The following M1AP variants were observed in gnomAD, a reference collection of about 807,000 sequenced individuals.
M1AP encodes meiosis 1 associated protein.
Under a neutral mutation model 51.2 loss-of-function variants are expected in M1AP, and 39 were observed. The ratio of observed to expected loss-of-function variants is 0.76; its 90% CI spans 0.59 to 1.00. M1AP has a LOEUF of 1.00. Ranked by LOEUF, M1AP falls within the 50% of genes least tolerant of loss-of-function variation. M1AP has a pLI of 0.00. For missense variants in M1AP, 545 were observed against 641.2 expected (o/e 0.85, Z 1.62); for synonymous variants, 251 against 249.2 (o/e 1.01, Z -0.07).
chr2:74,607,173 C>G lies in M1AP; in HGVS notation c.477G>C (p.Glu159Asp). The change falls in exon 4 of 11, where the codon GAG becomes GAC. Residue 159 changes from glutamate to aspartate, a missense_variant. Glu to Asp is a conservative substitution (Grantham distance 45). Coordinates refer to ENST00000421985, the MANE Select transcript of M1AP (RefSeq NM_001321739.2). ...QPGKEVVKQLEEGLKDTDLAR... is the reference protein window; with the variant it reads ...QPGKEVVKQLDEGLKDTDLAR... Reference sequence around the variant, plus strand: ...CTAGGTCTGTATCTTTCAACCCTTCCTCCAACTGTTTGACCACCTCTTTTC... The same window carrying G: ...CTAGGTCTGTATCTTTCAACCCTTCGTCCAACTGTTTGACCACCTCTTTTC... 6.2e-7 allele frequency: 1 copy of G among 1,614,138 alleles called. No homozygotes were observed. Among genetic ancestry groups the G allele is most frequent in the South Asian group, 1.1e-5 (1 of 91,078 alleles).
At chr2:74,619,209 G>C (rs189359876) in intron 2 of M1AP, 28 of 192,926 alleles carry the variant, frequency 1.5e-4, no homozygotes, top group African/African-American at 6.4e-4. Flanking sequence ...TGAGGTCCCT[G>C]TCTATGTTTC....
At chr2:74,641,341 G>A (rs1683286185) in intron 1 of M1AP, among the ~76,000 whole-genome samples, 1 of 152,198 alleles carries the variant, frequency 6.6e-6, no homozygotes, top group Admixed American at 6.5e-5. Context: ...ATTAGGAAGT[G>A]AGAACAATTG....
At chr2:74,647,759 T>C (rs896968125) in intron 1 of M1AP, among the ~76,000 whole-genome samples, 1 of 152,148 alleles carries the variant, frequency 6.6e-6, no homozygotes, top group Non-Finnish European at 1.5e-5. Flanking sequence ...CCAGGCGTGG[T>C]GGCGGGAGCC....
intron 1 of M1AP, chr2:74,647,327 T>C: frequency 8.1e-6 from 8 of 985,394 alleles, no homozygotes; most frequent in Non-Finnish European, 8.4e-6. Context: ...TTCTGTTCCG[T>C]GCTGAGCATT....
chr2:74,620,412 C>A (rs1681934948), intron 2 of M1AP, among the ~76,000 whole-genome samples: 1 of 152,188 alleles, frequency 6.6e-6, no homozygotes, highest in African/African-American at 2.4e-5. Context: ...AGGTGGAGAG[C>A]ATTAAATGAC....
chr2:74,644,345 C>T (rs1024144992), intron 1 of M1AP, among the ~76,000 whole-genome samples: 1 of 152,110 alleles, frequency 6.6e-6, no homozygotes, highest in Non-Finnish European at 1.5e-5. Context: ...TGAGACCAGC[C>T]TGACCAACAT....
chr2:74,567,756 A>G (rs533148303), intron 7 of M1AP, among the ~76,000 whole-genome samples: 3 of 152,356 alleles, frequency 2.0e-5, no homozygotes, highest in African/African-American at 7.2e-5. Flanking sequence ...AATGCTGCCA[A>G]AACACATAGC....
intron 2 of M1AP, chr2:74,620,811 CCAGCT>C (rs1485468283): frequency 5.2e-6 from 1 of 192,126 alleles, no homozygotes; most frequent in Non-Finnish European, 1.1e-5. Flanking sequence ...CTTGCCTATG[CCAGCT>C]CAGCCACGTA....
chr2:74,638,961 C>T (rs1327648708), intron 2 of M1AP, among the ~76,000 whole-genome samples: 1 of 152,188 alleles, frequency 6.6e-6, no homozygotes, highest in Non-Finnish European at 1.5e-5. Flanking sequence ...ATAATTTTAT[C>T]CTTTTCCCAT....
chr2:74,645,899 T>C (rs1683581646), intron 1 of M1AP, among the ~76,000 whole-genome samples: 1 of 152,218 alleles, frequency 6.6e-6, no homozygotes, highest in Non-Finnish European at 1.5e-5. Flanking sequence ...GGTTCAAGTA[T>C]ATAGATTTCA....
At chr2:74,606,052 A>T (rs1251956800) in intron 4 of M1AP, among the ~76,000 whole-genome samples, 1 of 152,216 alleles carries the variant, frequency 6.6e-6, no homozygotes, top group Non-Finnish European at 1.5e-5. Flanking sequence ...GCTTCTGCCC[A>T]GCCGGGGGAA....
At chr2:74,578,287 T>G (rs1434474822) in intron 5 of M1AP, among the ~76,000 whole-genome samples, 1 of 152,212 alleles carries the variant, frequency 6.6e-6, no homozygotes, top group African/African-American at 2.4e-5. Context: ...CTTTAAGTTT[T>G]GGGGTGCATG....
chr2:74,635,503 G>A (rs1682943025), intron 2 of M1AP, among the ~76,000 whole-genome samples: 1 of 151,596 alleles, frequency 6.6e-6, no homozygotes, highest in Admixed American at 6.6e-5. Context: ...TTATATCCTT[G>A]TTTTTGCTTG....
intron 4 of M1AP, among the ~76,000 whole-genome samples, chr2:74,598,170 T>C (rs1659526092): frequency 6.6e-6 from 1 of 152,112 alleles, no homozygotes; most frequent in African/African-American, 2.4e-5. Context: ...TCACTTGAGG[T>C]CAGGAGTTCA....
chr2:74,561,217 AAGGAGGAGGAGGAGAAGG>A (rs1677971507), intron 8 of M1AP, among the ~76,000 whole-genome samples: 3 of 24,734 alleles, frequency 1.2e-4, no homozygotes, highest in African/African-American at 2.5e-4. Flanking sequence ...GGAGGAGGAG[AAGGAGGAGGAGGAGAAGG>A]AGGAGGAGGA....
chr2:74,610,240 C>T (rs1681256467), intron 3 of M1AP, among the ~76,000 whole-genome samples: 1 of 151,874 alleles, frequency 6.6e-6, no homozygotes. Flanking sequence ...AACTCCTAGA[C>T]TCAAGTGATC....
intron 5 of M1AP, 121 bp from the exon 6 acceptor site, chr2:74,576,739 GGCAA>G: frequency 7.8e-7 from 1 of 1,284,498 alleles, no homozygotes; most frequent in Non-Finnish European, 1.1e-6. Context: ...ATCTCTACCA[GGCAA>G]GCAAGGGATA....
At chr2:74,569,853 G>C (rs549673543) in intron 7 of M1AP, among the ~76,000 whole-genome samples, 12 of 152,086 alleles carry the variant, frequency 7.9e-5, no homozygotes, top group African/African-American at 2.7e-4. Context: ...AGAGAGAACA[G>C]GGACTGAGGA....
At chr2:74,585,867 T>C in intron 4 of M1AP, among the ~76,000 whole-genome samples, 1 of 152,232 alleles carries the variant, frequency 6.6e-6, no homozygotes, top group Non-Finnish European at 1.5e-5. Flanking sequence ...GCAAACTCCA[T>C]TTCTTCCCCT....
Sources: allele counts gnomAD v4.1 joint callset (sites outside exome capture counted in the v4.1 genomes callset), GRCh38; gene constraint gnomAD v4.1.1; transcripts MANE v1.5; gene names NCBI Gene and HGNC (gene_info 2026-07-23, HGNC 2026-07-21).